The following CHRM3 variants were observed in gnomAD, a reference collection of about 807,000 sequenced individuals.
CHRM3 encodes cholinergic receptor muscarinic 3.
In CHRM3, 11 loss-of-function variants were observed where a neutral mutation model predicts 41.8. The observed-to-expected ratio is 0.26, with a 90% confidence interval of 0.17 to 0.44. The LOEUF (loss-of-function observed/expected upper bound fraction) is 0.44. Among genes scored for constraint, CHRM3 ranks in the 20% least tolerant of loss-of-function variants. CHRM3 has a pLI of 1.00. For missense variants in CHRM3, 571 were observed against 745.4 expected (o/e 0.77, Z 2.72); for synonymous variants, 297 against 301.4 (o/e 0.99, Z 0.15).
chr1:239,677,352 T>C (rs1658112734), intron 4 of CHRM3, among the ~76,000 whole-genome samples: 1 of 152,266 alleles, frequency 6.6e-6, no homozygotes. Context: ...ATGAAATAAG[T>C]TGAATCGGTA....
intron 1 of CHRM3, among the ~76,000 whole-genome samples, chr1:239,488,411 G>T (rs149369806): frequency 6.6e-6 from 1 of 151,990 alleles, no homozygotes; most frequent in Non-Finnish European, 1.5e-5. Context: ...TGGAATTAAA[G>T]CAATTAAAAA....
chr1:239,576,646 A>T (rs952661416), intron 3 of CHRM3, among the ~76,000 whole-genome samples: 4 of 151,694 alleles, frequency 2.6e-5, no homozygotes, highest in African/African-American at 7.3e-5. Context: ...TCAGCCAGGC[A>T]TGGTGGCATG....
At chr1:239,638,713 T>A (rs1187744923) in intron 4 of CHRM3, among the ~76,000 whole-genome samples, 1 of 152,194 alleles carries the variant, frequency 6.6e-6, no homozygotes, top group Admixed American at 6.5e-5. Flanking sequence ...TTTTGTAGGT[T>A]GCTGGTTCAC....
chr1:239,780,834 TG>T (rs1667069521), intron 5 of CHRM3, among the ~76,000 whole-genome samples: 2 of 152,142 alleles, frequency 1.3e-5, no homozygotes, highest in African/African-American at 4.8e-5. Flanking sequence ...TGTGTGTGTG[TG>T]TGTGTATAGA....
At chr1:239,551,590 C>G (rs1199005555) in intron 3 of CHRM3, among the ~76,000 whole-genome samples, 1 of 150,782 alleles carries the variant, frequency 6.6e-6, no homozygotes, top group African/African-American at 2.4e-5. Context: ...AGGACTTAAA[C>G]TTGTTTGATT....
In CHRM3 at chr1:239,909,432, C is replaced by A. The variant is rs199818247; in HGVS notation, c.*208C>A. On this transcript the variant is annotated 3_prime_UTR_variant, in exon 7 of 7. Transcript: ENST00000676153. Reference sequence around the variant, plus strand: ...CAATTCAGCAAAAAGAAAAAAAAAACATACTACTGAATATAAAGAAATTTA... The same window carrying A: ...CAATTCAGCAAAAAGAAAAAAAAAAAATACTACTGAATATAAAGAAATTTA... 2.1e-5 allele frequency: 9 copies of A among 423,082 alleles called. No individual in the cohort carries two copies. The highest frequency in any genetic ancestry group is 9.4e-5 in the South Asian group (2 of 21,190). 26.2% of individuals were successfully genotyped at this position (423,082 alleles called of 1,614,324 possible).
At chr1:239,512,585 C>T (rs1668995565) in intron 2 of CHRM3, among the ~76,000 whole-genome samples, 1 of 151,674 alleles carries the variant, frequency 6.6e-6, no homozygotes, top group African/African-American at 2.4e-5. Context: ...TTACTTCATT[C>T]CTTCCTTCCT....
intron 3 of CHRM3, among the ~76,000 whole-genome samples, chr1:239,598,825 G>T (rs549186242): frequency 6.6e-6 from 1 of 151,982 alleles, no homozygotes; most frequent in Non-Finnish European, 1.5e-5. Flanking sequence ...GTCAAAATAA[G>T]TGGGAGTGTA....
At position 239,902,301 on chromosome 1, in the gene CHRM3, C is replaced by T. The variant is rs766756748; in HGVS notation, c.-19-5132C>T. ...TCTTCTCCATAATCTACAGATCAGGCGATAGTATTCTAGTTTTATAGATGA... is the reference window on the plus strand; with the variant it reads ...TCTTCTCCATAATCTACAGATCAGGTGATAGTATTCTAGTTTTATAGATGA... On this transcript the variant is annotated intron_variant, in intron 6 of 6. Transcript: ENST00000676153. Among the ~76,000 whole-genome samples, 21 of 152,156 alleles carry T rather than the reference C, an allele frequency of 1.4e-4. 1 individual carries two copies. The highest frequency in any genetic ancestry group is 3.4e-3 in the Middle Eastern group (1 of 294).
intron 5 of CHRM3, among the ~76,000 whole-genome samples, chr1:239,715,663 T>C (rs1335521505): frequency 6.6e-6 from 1 of 152,036 alleles, no homozygotes; most frequent in Non-Finnish European, 1.5e-5. Context: ...GAAGGTAGGA[T>C]CCAGAGTAAA....
chr1:239,648,024 A>T (rs1671892555), intron 4 of CHRM3, among the ~76,000 whole-genome samples: 1 of 152,128 alleles, frequency 6.6e-6, no homozygotes. Flanking sequence ...CAGAGTCCCC[A>T]TTGACTTAAA....
At chr1:239,831,787 T>C (rs899672502) in intron 6 of CHRM3, among the ~76,000 whole-genome samples, 3 of 152,164 alleles carry the variant, frequency 2.0e-5, no homozygotes, top group African/African-American at 7.2e-5. Flanking sequence ...TGGAATACCA[T>C]TGGCTAAGTG....
chr1:239,901,386 G>T (rs1679552223), intron 6 of CHRM3, among the ~76,000 whole-genome samples: 3 of 147,194 alleles, frequency 2.0e-5, no homozygotes, highest in Admixed American at 6.8e-5. Context: ...AGTCTTCTTT[G>T]TCCATCACCC....
At chr1:239,535,510 G>A (rs1392572717) in intron 2 of CHRM3, among the ~76,000 whole-genome samples, 1 of 148,190 alleles carries the variant, frequency 6.7e-6, no homozygotes, top group Non-Finnish European at 1.5e-5. Context: ...TTGTTCCTTT[G>A]GGCCCTGTGT....
chr1:239,879,427 G>T (rs1323563929), intron 6 of CHRM3, among the ~76,000 whole-genome samples: 1 of 152,194 alleles, frequency 6.6e-6, no homozygotes, highest in Non-Finnish European at 1.5e-5. Flanking sequence ...GGTTTTATCA[G>T]TCTGGTATTT....
chr1:239,707,181 A>C (rs902173831), intron 5 of CHRM3: 1 of 152,348 alleles, frequency 6.6e-6, no homozygotes, highest in South Asian at 2.1e-4. Context: ...AGATGAAATA[A>C]GTTATATAAA....
At chr1:239,474,465 C>T (rs538340575) in intron 1 of CHRM3, among the ~76,000 whole-genome samples, 24 of 144,730 alleles carry the variant, frequency 1.7e-4, no homozygotes, top group Admixed American at 6.1e-4. Context: ...GGTGTAGATG[C>T]GGGTATATGT....
At chr1:239,769,272 T>C (rs552485285) in intron 5 of CHRM3, among the ~76,000 whole-genome samples, 10 of 152,322 alleles carry the variant, frequency 6.6e-5, no homozygotes, top group South Asian at 6.2e-4. Context: ...GGCTTTCATC[T>C]GTCCTACTCT....
chr1:239,622,369 A>G (rs964830345), intron 3 of CHRM3, among the ~76,000 whole-genome samples: 22 of 152,206 alleles, frequency 1.4e-4, no homozygotes, highest in Non-Finnish European at 2.9e-4. Context: ...TATAGCTGCC[A>G]TAGATTCTTG....
Sources: allele counts gnomAD v4.1 joint callset (sites outside exome capture counted in the v4.1 genomes callset), GRCh38; gene constraint gnomAD v4.1.1; transcripts MANE v1.5; gene names NCBI Gene and HGNC (gene_info 2026-07-23, HGNC 2026-07-21).